Variants in RNGTT observed in about 807,000 individuals in gnomAD.
RNGTT encodes the protein mRNA-capping enzyme.
RNGTT carries 33 observed loss-of-function variants against 79.3 expected under a neutral mutation model. The observed-to-expected ratio is 0.42, with a 90% confidence interval of 0.32 to 0.56. The LOEUF (loss-of-function observed/expected upper bound fraction) is 0.56, where lower values mean the gene tolerates loss of function less well. Ranked by LOEUF, RNGTT falls within the 20% of genes least tolerant of loss-of-function variation. The pLI, the probability that RNGTT is intolerant of heterozygous loss-of-function variation, is 0.17. For missense variants in RNGTT, 497 were observed against 739.1 expected, an observed-to-expected ratio of 0.67 and a Z score of 3.80; for synonymous variants, 222 against 235.9, an observed-to-expected ratio of 0.94 and a Z score of 0.54.
At chr6:88,832,457 A>G (rs1437257967) in intron 11 of RNGTT, among the ~76,000 whole-genome samples, 1 of 152,180 alleles carries the variant, frequency 6.6e-6, no homozygotes, top group African/African-American at 2.4e-5. Flanking sequence ...AGACTTAAAC[A>G]TAAGACCTAA....
At chr6:88,933,914 C>T (rs1784584664) in intron 2 of RNGTT, among the ~76,000 whole-genome samples, 1 of 152,204 alleles carries the variant, frequency 6.6e-6, no homozygotes, top group Admixed American at 6.5e-5. Flanking sequence ...TGAGAAATTT[C>T]CATACTGTTT....
intron 14 of RNGTT, among the ~76,000 whole-genome samples, chr6:88,670,872 A>T (rs1406324898): frequency 6.6e-6 from 1 of 152,202 alleles, no homozygotes; most frequent in Non-Finnish European, 1.5e-5. Flanking sequence ...CGAGTCTACC[A>T]ATGCTCCCAG....
intron 14 of RNGTT, among the ~76,000 whole-genome samples, chr6:88,641,907 A>G (rs1340098197): frequency 6.6e-6 from 1 of 152,230 alleles, no homozygotes; most frequent in African/African-American, 2.4e-5. Context: ...CAGGAGAAGT[A>G]TATGTATTTA....
intron 14 of RNGTT, among the ~76,000 whole-genome samples, chr6:88,636,614 TA>T (rs1773108908): frequency 6.6e-6 from 1 of 151,842 alleles, no homozygotes; most frequent in Non-Finnish European, 1.5e-5. Context: ...ATGATGGTAT[TA>T]TGGTTTTGGT....
chr6:88,907,169 A>G (rs1783679633), intron 4 of RNGTT, among the ~76,000 whole-genome samples: 1 of 152,238 alleles, frequency 6.6e-6, no homozygotes, highest in Admixed American at 6.5e-5. Flanking sequence ...TTCTCAGAAC[A>G]TATTCAAGAT....
chr6:88,798,101 G>C (rs1231900444), intron 12 of RNGTT, among the ~76,000 whole-genome samples: 1 of 151,872 alleles, frequency 6.6e-6, no homozygotes, highest in Non-Finnish European at 1.5e-5. Flanking sequence ...GCATTACCAT[G>C]GATTATGTGC....
At chr6:88,772,468 A>C (rs912003019) in intron 12 of RNGTT, among the ~76,000 whole-genome samples, 9 of 152,172 alleles carry the variant, frequency 5.9e-5, no homozygotes, top group African/African-American at 2.2e-4. Context: ...AGAGTCAAAC[A>C]AATGGGATCT....
intron 2 of RNGTT, among the ~76,000 whole-genome samples, chr6:88,930,549 T>TA (rs140509265): frequency 0.042 from 6,336 of 151,810 alleles, 192 homozygotes; most frequent in African/African-American, 0.079. Flanking sequence ...GTAAATTGTT[T>TA]AAAAAAAAGT....
chr6:88,695,458 G>C (rs936679381), intron 13 of RNGTT, among the ~76,000 whole-genome samples: 2 of 152,080 alleles, frequency 1.3e-5, no homozygotes, highest in African/African-American at 4.8e-5. Flanking sequence ...ATCACAATGA[G>C]ATACCACCTC....
intron 14 of RNGTT, among the ~76,000 whole-genome samples, chr6:88,629,915 T>C (rs898028920): frequency 3.5e-4 from 54 of 152,320 alleles, no homozygotes; most frequent in African/African-American, 6.3e-4. Flanking sequence ...ATTCTCACAC[T>C]AGCATGCCTC....
chr6:88,739,024 T>C (rs188395178), intron 13 of RNGTT, among the ~76,000 whole-genome samples: 48 of 151,862 alleles, frequency 3.2e-4, no homozygotes, highest in Middle Eastern at 3.4e-3. Context: ...TTATACTTTA[T>C]GTTATTAATG....
At position 88,687,270 on chromosome 6, in the gene RNGTT, AAGGT is replaced by A. The variant is rs1172012392; in HGVS notation, c.1440-8855_1440-8852del. ...CCACTTACCAGATTGGCAAAATTAA[AAGGT>A]ATGGACCACACATTCTGCTGGCCAG... On this transcript the variant is annotated intron_variant, in intron 13 of 15. Transcript: ENST00000369485. Among the ~76,000 whole-genome samples the A allele has an allele frequency of 3.3e-5, 5 of 152,284 alleles. No homozygotes were observed. The East Asian group carries it at 7.7e-4, about 23-fold the overall frequency.
At chr6:88,650,582 C>T (rs1395340838) in intron 14 of RNGTT, among the ~76,000 whole-genome samples, 1 of 151,852 alleles carries the variant, frequency 6.6e-6, no homozygotes, top group African/African-American at 2.4e-5. Context: ...CTGAATCTAG[C>T]GTGATGGCAA....
At chr6:88,850,368 G>C (rs1202596001) in intron 9 of RNGTT, among the ~76,000 whole-genome samples, 2 of 151,754 alleles carry the variant, frequency 1.3e-5, no homozygotes, top group Non-Finnish European at 2.9e-5. Context: ...ACAGATCACT[G>C]CAAATCTACC....
chr6:88,749,059 C>A (rs1777758654), intron 13 of RNGTT, among the ~76,000 whole-genome samples: 1 of 152,106 alleles, frequency 6.6e-6, no homozygotes, highest in Non-Finnish European at 1.5e-5. Context: ...TGGAATAAAA[C>A]TGTCTATATG....
At chr6:88,684,491 T>C (rs1194321537) in intron 13 of RNGTT, among the ~76,000 whole-genome samples, 1 of 152,182 alleles carries the variant, frequency 6.6e-6, no homozygotes, top group Non-Finnish European at 1.5e-5. Context: ...CAAGATGTCC[T>C]TGAATAGGTG....
chr6:88,768,224 C>G (rs1778531399), intron 13 of RNGTT, among the ~76,000 whole-genome samples: 1 of 151,764 alleles, frequency 6.6e-6, no homozygotes, highest in Admixed American at 6.6e-5. Context: ...ATCCTGCCAC[C>G]TCAGCCTCCC....
chr6:88,929,578 A>C (rs1293750297), intron 2 of RNGTT, among the ~76,000 whole-genome samples: 1 of 152,148 alleles, frequency 6.6e-6, no homozygotes, highest in Non-Finnish European at 1.5e-5. Flanking sequence ...AGTTTTCTCT[A>C]GTGTTTGCTG....
chr6:88,752,749 G>A (rs1303982491), intron 13 of RNGTT, among the ~76,000 whole-genome samples: 1 of 152,098 alleles, frequency 6.6e-6, no homozygotes, highest in Non-Finnish European at 1.5e-5. Context: ...CTTAAAGAAT[G>A]TAACTGGATT....
Sources: gnomAD v4.1 joint callset for allele counts (sites outside exome capture counted in the v4.1 genomes callset) on GRCh38, gnomAD v4.1.1 for gene constraint, MANE v1.5 for transcripts, NCBI Gene and HGNC (gene_info 2026-07-23, HGNC 2026-07-21) for gene names.